ZDHHC13: variants seen among roughly 807,000 people sequenced by gnomAD.
ZDHHC13 encodes palmitoyltransferase ZDHHC13.
Under a neutral mutation model 86.0 loss-of-function variants are expected in ZDHHC13, and 85 were observed. The ratio of observed to expected loss-of-function variants is 0.99; its 90% CI spans 0.83 to 1.18. The LOEUF (loss-of-function observed/expected upper bound fraction) is 1.18. Among genes scored for constraint, ZDHHC13 ranks in the 50% most tolerant of loss-of-function variants. The pLI, the probability that ZDHHC13 is intolerant of heterozygous loss-of-function variation, is 0.00. For missense variants in ZDHHC13, 711 were observed against 730.2 expected (o/e 0.97, Z 0.30); for synonymous variants, 263 against 246.4 (o/e 1.07, Z -0.63).
intron 1 of ZDHHC13, among the ~76,000 whole-genome samples, chr11:19,134,258 A>G (rs1849073237): frequency 6.6e-6 from 1 of 152,106 alleles, no homozygotes; most frequent in Non-Finnish European, 1.5e-5. Context: ...TACTTTGGGA[A>G]ACAGAGGCAA....
intron 11 of ZDHHC13, 66 bp from the exon 12 acceptor site, chr11:19,164,235 T>C: frequency 2.6e-6 from 4 of 1,514,100 alleles, no homozygotes; most frequent in Non-Finnish European, 3.6e-6. Context: ...GTGAGAATGG[T>C]GTATAACCAT....
At chr11:19,150,262 A>G (rs61887283) in intron 5 of ZDHHC13, among the ~76,000 whole-genome samples, 24 of 152,022 alleles carry the variant, frequency 1.6e-4, no homozygotes, top group Non-Finnish European at 2.9e-4. Context: ...ATATTTTACT[A>G]TTTAAAACTT....
intron 1 of ZDHHC13, among the ~76,000 whole-genome samples, chr11:19,131,043 G>T (rs991917883): frequency 6.6e-6 from 1 of 151,214 alleles, no homozygotes; most frequent in African/African-American, 2.4e-5. Context: ...TGTTTAGATG[G>T]AGTCTCGCTT....
At position 19,155,672 on chromosome 11, in the gene ZDHHC13, G is replaced by T; in HGVS notation, c.874-124G>T. ...ATCAGCAATTTTAGAGGAAAACTTT[G>T]TGTTAGCTTTGTTGTTGTATTAATT... On this transcript the variant is annotated intron_variant, in intron 8 of 16. Transcript: ENST00000446113. 8.2e-6 allele frequency: 8 copies of T among 975,520 alleles called. 1 individual carries two copies. The highest frequency in any genetic ancestry group is 7.0e-6 in the Non-Finnish European group (5 of 710,836). 60.4% of individuals were successfully genotyped at this position (975,520 alleles called of 1,614,324 possible).
chr11:19,149,197 T>TTACCTATGGTCA lies in ZDHHC13; in HGVS notation c.388_399dup (p.Pro130_Ile133dup). 1.9e-6 allele frequency: 3 copies of TTACCTATGGTCA among 1,571,248 alleles called. No homozygotes were observed. The highest frequency in any genetic ancestry group is 2.6e-6 in the Non-Finnish European group (3 of 1,153,110). The stretch of plus-strand genomic sequence containing the variant: ...GTCTTCTATTTGCAGACAAGGACAT[T>TTACCTATGGTCA]TACCTATGGTCATATTATTACTCCA... On this transcript the variant is annotated inframe_insertion, in exon 5 of 17. Transcript: ENST00000446113.
intron 1 of ZDHHC13, among the ~76,000 whole-genome samples, chr11:19,139,781 C>G (rs1221049305): frequency 2.4e-5 from 3 of 126,678 alleles, no homozygotes; most frequent in Middle Eastern, 3.9e-3. Flanking sequence ...ACTATCTGAT[C>G]TTTGACAAAC....
rs949682204 is a variant in ZDHHC13 at position 19,150,865 on chromosome 11, A to G, written c.584+74A>G. ...CTTTTCTGTGTATGTAATTTTAAGT[A>G]TCTGTGTCTATGTGAGATGATAGTA... On this transcript the variant is annotated intron_variant, in intron 6 of 16. Coordinates refer to ENST00000446113, the MANE Select transcript of ZDHHC13 (RefSeq NM_019028.3). 3.0e-5 allele frequency: 41 copies of G among 1,360,652 alleles called. 1 individual carries two copies. In the East Asian group the frequency reaches 3.7e-4, roughly 12 times the overall value. 84.3% of individuals were successfully genotyped at this position (1,360,652 alleles called of 1,614,324 possible).
At chr11:19,139,535 G>T (rs557206523) in intron 1 of ZDHHC13, among the ~76,000 whole-genome samples, 21 of 135,188 alleles carry the variant, frequency 1.6e-4, no homozygotes, top group African/African-American at 5.5e-4. Context: ...AGCTACCAAT[G>T]ACTTTCTTCA....
At chr11:19,127,745 A>C (rs1443857531) in intron 1 of ZDHHC13, among the ~76,000 whole-genome samples, 1 of 152,212 alleles carries the variant, frequency 6.6e-6, no homozygotes, top group African/African-American at 2.4e-5. Flanking sequence ...GCTTTGTTGA[A>C]GATCTGATAG....
In ZDHHC13 at chr11:19,165,272, C is replaced by T. The variant is rs903159601; in HGVS notation, c.1390+127C>T. On this transcript the variant is annotated intron_variant, in intron 13 of 16. Transcript: ENST00000446113. The stretch of plus-strand genomic sequence containing the variant: ...ATTCTAGTATTCCAATAGCAATGGG[C>T]CCATGCATCGTTATTATGCTACAGG... 1.6e-5 allele frequency: 13 copies of T among 809,964 alleles called. No individual in the cohort carries two copies. The East Asian group carries it at 3.0e-4, about 19-fold the overall frequency. The allele number at this position is 809,964 out of a possible 1,614,324, so 50.2% of individuals were successfully genotyped here.
chr11:19,138,601 A>G (rs1222994563), intron 1 of ZDHHC13, among the ~76,000 whole-genome samples: 3 of 151,876 alleles, frequency 2.0e-5, no homozygotes, highest in African/African-American at 4.8e-5. Flanking sequence ...CCGGGCAGAG[A>G]CACAACCAAA....
intron 1 of ZDHHC13, among the ~76,000 whole-genome samples, chr11:19,124,944 G>A (rs1422917899): frequency 6.6e-6 from 1 of 152,078 alleles, no homozygotes; most frequent in Non-Finnish European, 1.5e-5. Flanking sequence ...GTGCAGACGA[G>A]TGCTCTATGA....
At chr11:19,139,893 A>T (rs1172160128) in intron 1 of ZDHHC13, among the ~76,000 whole-genome samples, 2 of 133,550 alleles carry the variant, frequency 1.5e-5, no homozygotes, top group Non-Finnish European at 3.2e-5. Flanking sequence ...TCCCTTCCTT[A>T]CACCTTATAC....
chr11:19,173,953 C>A (rs2133490186), intron 16 of ZDHHC13, among the ~76,000 whole-genome samples: 1 of 152,292 alleles, frequency 6.6e-6, no homozygotes, highest in Middle Eastern at 3.4e-3. Flanking sequence ...ACTAGAGGAA[C>A]TCAAGGGAAA....
At chr11:19,138,769 C>T (rs1206665261) in intron 1 of ZDHHC13, among the ~76,000 whole-genome samples, 3 of 151,936 alleles carry the variant, frequency 2.0e-5, no homozygotes. Flanking sequence ...ATACGCAAAT[C>T]AATAAATGTA....
At position 19,154,665 on chromosome 11, in the gene ZDHHC13, T is replaced by C. The variant is rs77818358; in HGVS notation, c.874-1131T>C. Among the ~76,000 whole-genome samples the C allele has an allele frequency of 5.5e-3, 844 of 152,324 alleles. 7 individuals carry two copies. The highest frequency in any genetic ancestry group is 9.8e-3 in the Non-Finnish European group (666 of 68,032). ...AAATAAACCTGAATTAGTAGCATCATGAGGACATATTTCAGTCTTTGATCT... is the reference window on the plus strand; with the variant it reads ...AAATAAACCTGAATTAGTAGCATCACGAGGACATATTTCAGTCTTTGATCT... On this transcript the variant is annotated intron_variant, in intron 8 of 16. Transcript: ENST00000446113.
chr11:19,165,997 T>C (rs1003451797), intron 13 of ZDHHC13, among the ~76,000 whole-genome samples: 1 of 152,234 alleles, frequency 6.6e-6, no homozygotes, highest in African/African-American at 2.4e-5. Context: ...TGCCTGCTTC[T>C]CTTCCTTCCA....
chr11:19,175,419 G>GAAAAAAAAAAAAATT (rs1373727102), intron 16 of ZDHHC13, among the ~76,000 whole-genome samples: 1 of 51,206 alleles, frequency 2.0e-5, no homozygotes, highest in Non-Finnish European at 4.9e-5. Context: ...AAAAAAAAAG[G>GAAAAAAAAAAAAATT]TTTAGGGAAA....
intron 15 of ZDHHC13, among the ~76,000 whole-genome samples, chr11:19,170,913 A>G (rs1332065727): frequency 6.6e-6 from 1 of 152,238 alleles, no homozygotes; most frequent in Non-Finnish European, 1.5e-5. Flanking sequence ...GTGTGGCAAA[A>G]TCAGAACTGG....
Sources: allele counts gnomAD v4.1 joint callset (sites outside exome capture counted in the v4.1 genomes callset), GRCh38; gene constraint gnomAD v4.1.1; transcripts MANE v1.5; gene names NCBI Gene and HGNC (gene_info 2026-07-23, HGNC 2026-07-21).